The following LCK variants were observed in gnomAD, a reference collection of about 807,000 sequenced individuals.
The protein encoded by LCK is tyrosine-protein kinase Lck.
A neutral mutation model predicts 64.6 loss-of-function variants in LCK; 14 were observed. That is an observed-to-expected ratio of 0.22 (90% CI 0.14 to 0.34). The LOEUF (loss-of-function observed/expected upper bound fraction) is 0.34. Ranked by LOEUF, LCK falls within the 10% of genes least tolerant of loss-of-function variation. The probability of loss-of-function intolerance (pLI) is 1.00; values close to 1 mark genes in which losing one functional copy is unlikely to be tolerated. For synonymous variants in LCK, 277 were observed against 263.6 expected (o/e 1.05, Z -0.49); for missense variants, 434 against 668.1 (o/e 0.65, Z 3.86).
In LCK at chr1:32,276,610, A is replaced by G. The variant is rs748878726; in HGVS notation, c.788A>G (p.Tyr263Cys). ...CTCCTTCCCTTCCCCGACCCAGGGT[A>G]CTACAACGGGCACACGAAGGTGGCG... is the stretch of plus-strand genomic sequence containing the variant. ...AGQFGEVWMG[Y>C]YNGHTKVAVK... The change falls in exon 9 of 13, where the codon TAC becomes TGC. Residue 263 changes from tyrosine (Y) to cysteine (C), a missense_variant. Tyr to Cys is a radical substitution (Grantham distance 194, BLOSUM62 -2). Transcript: ENST00000336890. The surrounding 1 kb of genome is among the most constrained non-coding windows in gnomAD (Gnocchi z 4.6). 6.2e-7 allele frequency: 1 copy of G among 1,610,544 alleles called. No individual in the cohort carries two copies. The highest frequency in any genetic ancestry group is 1.7e-4 in the Middle Eastern group (1 of 6,046).
chr1:32,267,470 C>T (rs1396945602), intron 1 of LCK, among the ~76,000 whole-genome samples: 1 of 152,094 alleles, frequency 6.6e-6, no homozygotes, highest in African/African-American at 2.4e-5. Context: ...GTTTAAGAAA[C>T]AGGAGTCGAG....
chr1:32,262,072 T>C (rs1286337102), intron 1 of LCK, among the ~76,000 whole-genome samples: 1 of 147,988 alleles, frequency 6.8e-6, no homozygotes, highest in Non-Finnish European at 1.5e-5. Flanking sequence ...TTAGTAGAGA[T>C]GGGGTTTCAC....
At position 32,276,995 on chromosome 1, in the gene LCK, A is replaced by T. The variant is rs1640299403; in HGVS notation, c.964+209A>T. ...TGGGAGCCGAGGCGGGCAGATCACG[A>T]GGTCAGGAGTTCGAGACCAGCCTGA... is the stretch of plus-strand genomic sequence containing the variant. On this transcript the variant is annotated intron_variant, in intron 9 of 12. Transcript: ENST00000336890. This position sits in a 1 kb window ranked among gnomAD's most constrained non-coding sequence, Gnocchi z 4.6. 2.4e-6 allele frequency: 1 copy of T among 421,222 alleles called. No homozygotes were observed. Among genetic ancestry groups the T allele is most frequent in the Admixed American group, 4.1e-5 (1 of 24,230 alleles). The allele number at this position is 421,222 out of a possible 1,614,324, so 26.1% of individuals were successfully genotyped here.
intron 1 of LCK, among the ~76,000 whole-genome samples, chr1:32,258,126 T>TA (rs1639672659): frequency 6.6e-6 from 1 of 151,206 alleles, no homozygotes; most frequent in African/African-American, 2.4e-5. Flanking sequence ...CTACAAAAAA[T>TA]AAAAAAATTA....
At chr1:32,282,698 C>G (rs1056552042) in intron 12 of LCK, among the ~76,000 whole-genome samples, 6 of 151,818 alleles carry the variant, frequency 4.0e-5, no homozygotes, top group African/African-American at 1.2e-4. Flanking sequence ...CCCAGCCACT[C>G]AAGAGGCTGG....
At chr1:32,269,006 C>T (rs150184311) in intron 1 of LCK, among the ~76,000 whole-genome samples, 191 of 150,120 alleles carry the variant, frequency 1.3e-3, no homozygotes, top group Non-Finnish European at 2.2e-3. Context: ...TGGTGGTGCA[C>T]GCCTGTAGTC....
At chr1:32,256,218 A>G (rs1487891587) in intron 1 of LCK, among the ~76,000 whole-genome samples, 1 of 151,938 alleles carries the variant, frequency 6.6e-6, no homozygotes, top group Non-Finnish European at 1.5e-5. Flanking sequence ...AGCTCACTGC[A>G]ACCTCTGTCT....
At chr1:32,262,016 T>C (rs911711383) in intron 1 of LCK, among the ~76,000 whole-genome samples, 8 of 145,464 alleles carry the variant, frequency 5.5e-5, no homozygotes, top group Non-Finnish European at 9.0e-5. Context: ...CTCAAGTAGC[T>C]GGGACTACAG....
At chr1:32,262,769 A>T (rs1398288433) in intron 1 of LCK, among the ~76,000 whole-genome samples, 2 of 151,494 alleles carry the variant, frequency 1.3e-5, no homozygotes, top group Admixed American at 1.3e-4. Flanking sequence ...AGCCAACATG[A>T]TCTAACCAGG....
chr1:32,280,659 G>A (rs1213089515), intron 12 of LCK, among the ~76,000 whole-genome samples: 1 of 151,788 alleles, frequency 6.6e-6, no homozygotes, highest in Non-Finnish European at 1.5e-5. Context: ...GTTTCACCAT[G>A]TTAGCCAGGA....
intron 1 of LCK, among the ~76,000 whole-genome samples, chr1:32,259,493 G>A (rs1028064410): frequency 1.1e-4 from 16 of 151,784 alleles, no homozygotes; most frequent in Middle Eastern, 3.4e-3. Context: ...GGTGGCACAC[G>A]CCTGTAGTCC....
chr1:32,274,587 A>C (rs1217220511), intron 2 of LCK, 150 bp from the exon 3 acceptor site: 1 of 878,182 alleles, frequency 1.1e-6, no homozygotes, highest in Non-Finnish European at 1.8e-6. Context: ...GGGGAAGGGA[A>C]TCTCCTAAGA....
In LCK at chr1:32,272,587, A is replaced by AAGAGAGAGAGAGAGAGAG. The variant is rs1165086234; in HGVS notation, c.-5-1721_-5-1720insGAGAGAGAGAGAGAGAGA. ...GACCCTGTCTCAAGAGAGAGAGAGA[A>AAGAGAGAGAGAGAGAGAG]AGAGAGAGAGAGAGAGAAAGAGAGA... is the stretch of plus-strand genomic sequence containing the variant. On this transcript the variant is annotated intron_variant, in intron 1 of 12. Coordinates refer to ENST00000336890, the MANE Select transcript of LCK (RefSeq NM_005356.5). Among the ~76,000 whole-genome samples, 6 of 131,766 alleles carry AAGAGAGAGAGAGAGAGAG rather than the reference A, an allele frequency of 4.6e-5. No homozygotes were observed. In the South Asian group the frequency reaches 9.6e-4, roughly 21 times the overall value. The allele number at this position is 131,766 out of a possible 152,430, so 86.4% of individuals were successfully genotyped here.
rs11576042 is a variant in LCK, at chr1:32,286,136, T to C, written c.*420T>C. ...TGCCTGGCCTGGCACACATCAGGAGTTCAATAAATGTCTGTTGATGACTGT... is the reference window on the plus strand; with the variant it reads ...TGCCTGGCCTGGCACACATCAGGAGCTCAATAAATGTCTGTTGATGACTGT... On this transcript the variant is annotated 3_prime_UTR_variant, in exon 13 of 13. Coordinates refer to ENST00000336890, the MANE Select transcript of LCK (RefSeq NM_005356.5). 0.041 allele frequency: 11,732 copies of C among 282,782 alleles called. 1,219 individuals carry two copies. The highest frequency in any genetic ancestry group is 0.22 in the African/African-American group (10,749 of 48,264). The allele number at this position is 282,782 out of a possible 1,614,324, so 17.5% of individuals were successfully genotyped here.
intron 1 of LCK, among the ~76,000 whole-genome samples, chr1:32,259,384 C>A: frequency 6.6e-6 from 1 of 151,644 alleles, no homozygotes; most frequent in East Asian, 1.9e-4. Flanking sequence ...CTTTGGGAGG[C>A]CAATGCAGGC....
chr1:32,266,661 T>TTCCCCCTCCTCCC (rs1639921338), intron 1 of LCK, among the ~76,000 whole-genome samples: 4 of 21,882 alleles, frequency 1.8e-4, no homozygotes, highest in African/African-American at 8.1e-4. Flanking sequence ...CTCCCCCTCC[T>TTCCCCCTCCTCCC]CATCCCTCTC....
chr1:32,284,163 G>A (rs1019777872), intron 12 of LCK, among the ~76,000 whole-genome samples: 11 of 150,858 alleles, frequency 7.3e-5, no homozygotes, highest in African/African-American at 2.2e-4. Context: ...GATTACAGGC[G>A]TGAGCCACCG....
intron 1 of LCK, among the ~76,000 whole-genome samples, chr1:32,264,111 A>G (rs1639853387): frequency 6.6e-6 from 1 of 152,140 alleles, no homozygotes; most frequent in African/African-American, 2.4e-5. Context: ...GGCTCACTGC[A>G]TATGTTTTCA....
chr1:32,279,620 G>C (rs1451930903), intron 9 of LCK, 51 bp from the exon 10 acceptor site: 2 of 1,613,614 alleles, frequency 1.2e-6, no homozygotes, highest in Non-Finnish European at 1.7e-6. Flanking sequence ...AAAGGTCTGG[G>C]GGCCTCCCCC....
Sources: allele counts gnomAD v4.1 joint callset (sites outside exome capture counted in the v4.1 genomes callset), GRCh38; gene constraint gnomAD v4.1.1; non-coding constraint Gnocchi (gnomAD v3.1); transcripts MANE v1.5; gene names NCBI Gene and HGNC (gene_info 2026-07-23, HGNC 2026-07-21).